TMEM236: variants seen among roughly 807,000 people sequenced by gnomAD.
TMEM236 encodes family with sequence similarity 23, member A.
Under a neutral mutation model 14.7 loss-of-function variants are expected in TMEM236, and 11 were observed. That is an observed-to-expected ratio of 0.75 (90% CI 0.47 to 1.24). The LOEUF (loss-of-function observed/expected upper bound fraction) is 1.24, where lower values mean the gene tolerates loss of function less well. Among genes scored for constraint, TMEM236 ranks in the 50% most tolerant of loss-of-function variants. TMEM236 has a pLI of 0.00. For synonymous variants in TMEM236, 182 were observed against 168.6 expected (o/e 1.08, Z -0.62); for missense variants, 464 against 427.3 (o/e 1.09, Z -0.76).
At position 17,752,367 on chromosome 10, in the gene TMEM236, A is replaced by G; in HGVS notation, c.72A>G (p.Thr24=). The G allele has an allele frequency of 1.2e-6, 2 of 1,613,402 alleles. No individual in the cohort carries two copies. Among genetic ancestry groups the G allele is most frequent in the East Asian group, 2.2e-5 (1 of 44,838 alleles). ...LLEFAAFSIP[T]LVITEQFATA... is the part of the protein sequence containing the mutation. ...AGTTTGCCGCTTTCTCCATCCCCAC[A>G]CTCGTGATCACAGAACAGTTTGCCA... The change falls in exon 1 of 4, where the codon ACA becomes ACG. Residue 24 remains threonine (T), a synonymous_variant. Coordinates refer to ENST00000377495, the MANE Select transcript of TMEM236 (RefSeq NM_001098844.3).
intron 3 of TMEM236, among the ~76,000 whole-genome samples, chr10:17,780,753 A>G (rs908798535): frequency 5.9e-5 from 9 of 152,180 alleles, no homozygotes; most frequent in Non-Finnish European, 1.2e-4. Context: ...ATGGACACAC[A>G]CAAGGAGTGA....
chr10:17,753,900 C>A (rs1429864397), intron 1 of TMEM236, among the ~76,000 whole-genome samples: 2 of 152,192 alleles, frequency 1.3e-5, no homozygotes, highest in African/African-American at 4.8e-5. Context: ...TATGTTCTAA[C>A]ATACTGTGGG....
At chr10:17,787,546 C>T (rs1837858631) in intron 3 of TMEM236, among the ~76,000 whole-genome samples, 2 of 152,202 alleles carry the variant, frequency 1.3e-5, no homozygotes, top group Admixed American at 1.3e-4. Flanking sequence ...GCTTCCTTGC[C>T]TTAGTGCAGG....
intron 1 of TMEM236, among the ~76,000 whole-genome samples, chr10:17,762,584 T>TATATATATATATATATATATATATATAC (rs1837384503): frequency 9.8e-5 from 6 of 61,176 alleles, no homozygotes; most frequent in African/African-American, 6.5e-4. Flanking sequence ...CATATATATA[T>TATATATATATATATATATATATATATAC]ATATATATAT....
intron 3 of TMEM236, among the ~76,000 whole-genome samples, chr10:17,780,172 G>A (rs1328730239): frequency 1.3e-5 from 2 of 152,106 alleles, no homozygotes; most frequent in Admixed American, 6.5e-5. Flanking sequence ...TATAGAACTC[G>A]TGGCTGAATG....
rs955126717 is a variant in TMEM236, at chr10:17,753,116, G to A, written c.257+564G>A. Among the ~76,000 whole-genome samples the A allele has an allele frequency of 8.7e-3, 1,315 of 151,882 alleles. 22 individuals carry two copies. Among genetic ancestry groups the A allele is most frequent in the African/African-American group, 0.029 (1,202 of 41,408 alleles). The stretch of plus-strand genomic sequence containing the variant: ...TTCATGTTAGCCAGGCTGGTCCCGA[G>A]CTCCTGACCTCAAATGATCCACCCA... On this transcript the variant is annotated intron_variant, in intron 1 of 3. Coordinates refer to ENST00000377495, the MANE Select transcript of TMEM236 (RefSeq NM_001098844.3).
intron 1 of TMEM236, among the ~76,000 whole-genome samples, chr10:17,770,415 G>A (rs1231151358): frequency 2.6e-5 from 4 of 151,548 alleles, no homozygotes; most frequent in South Asian, 2.1e-4. Context: ...ACAGAGTCTC[G>A]CTCTGTCGCC....
intron 1 of TMEM236, among the ~76,000 whole-genome samples, chr10:17,760,692 G>C (rs913086396): frequency 6.6e-6 from 1 of 152,098 alleles, no homozygotes; most frequent in South Asian, 2.1e-4. Context: ...ACCTGAGACT[G>C]GGTAATTTAT....
Position 17,800,759 on chromosome 10 carries a change from C to T in TMEM236, c.*4255C>T, listed in dbSNP as rs1589157016. 6.6e-6 allele frequency: 1 copy of T among 152,106 alleles called. No homozygotes were observed. The highest frequency in any genetic ancestry group is 1.5e-5 in the Non-Finnish European group (1 of 68,022). The allele number at this position is 152,106 out of a possible 1,614,324, so 9.4% of individuals were successfully genotyped here. On this transcript the variant is annotated 3_prime_UTR_variant, in exon 4 of 4. Transcript: ENST00000377495. The stretch of plus-strand genomic sequence containing the variant: ...AAACTTAAAAATGGCTACTTATACT[C>T]CATAGAAGATATAGTAAATAATAGA...
intron 1 of TMEM236, among the ~76,000 whole-genome samples, chr10:17,755,426 GTGC>G (rs1837271719): frequency 1.3e-5 from 2 of 152,166 alleles, no homozygotes; most frequent in South Asian, 4.1e-4. Flanking sequence ...GAAGTTCATG[GTGC>G]TGTCTTTAGG....
chr10:17,786,158 G>C (rs1837834251), intron 3 of TMEM236, among the ~76,000 whole-genome samples: 1 of 152,108 alleles, frequency 6.6e-6, no homozygotes, highest in East Asian at 1.9e-4. Context: ...GAATACTTTG[G>C]AAACAAATAT....
At chr10:17,780,095 C>T (rs1466886522) in intron 3 of TMEM236, among the ~76,000 whole-genome samples, 1 of 152,132 alleles carries the variant, frequency 6.6e-6, no homozygotes, top group African/African-American at 2.4e-5. Context: ...AACAAATTGG[C>T]TGGGCTTCAG....
chr10:17,787,130 C>A (rs1344121054), intron 3 of TMEM236, among the ~76,000 whole-genome samples: 1 of 152,154 alleles, frequency 6.6e-6, no homozygotes, highest in African/African-American at 2.4e-5. Flanking sequence ...CCCTTTCTTC[C>A]CCCTGCCTGG....
rs1057058072 is a variant in TMEM236, at chr10:17,784,578, T to C, written c.472+8408T>C. 3.3e-5 allele frequency among the ~76,000 whole-genome samples: 5 copies of C among 152,278 alleles called. 1 individual carries two copies. In the Middle Eastern group the frequency reaches 0.01, roughly 311 times the overall value. On this transcript the variant is annotated intron_variant, in intron 3 of 3. Coordinates refer to ENST00000377495, the MANE Select transcript of TMEM236 (RefSeq NM_001098844.3). ...AAAATCAACTATGGAAATTTAAAAGTTTTGATGCCTAGGATGCTGCCTGGT... is the reference window on the plus strand; with the variant it reads ...AAAATCAACTATGGAAATTTAAAAGCTTTGATGCCTAGGATGCTGCCTGGT...
intron 2 of TMEM236, among the ~76,000 whole-genome samples, chr10:17,774,637 C>T (rs1233466679): frequency 6.6e-6 from 1 of 152,094 alleles, no homozygotes; most frequent in Non-Finnish European, 1.5e-5. Context: ...GTAAATCTTC[C>T]TAGCTTATTC....
chr10:17,794,320 T>C (rs1837973379), intron 3 of TMEM236, among the ~76,000 whole-genome samples: 1 of 152,204 alleles, frequency 6.6e-6, no homozygotes, highest in African/African-American at 2.4e-5. Context: ...TATCACGTCA[T>C]ATGGCAGCTC....
chr10:17,752,607 C>T, intron 1 of TMEM236, 55 bp downstream of exon 1: 2 of 1,576,286 alleles, frequency 1.3e-6, no homozygotes, highest in South Asian at 1.1e-5. Flanking sequence ...CGCTCTGTCA[C>T]CCAGGCTGGA....
At chr10:17,757,470 G>A (rs1042607507) in intron 1 of TMEM236, among the ~76,000 whole-genome samples, 5 of 151,920 alleles carry the variant, frequency 3.3e-5, no homozygotes, top group African/African-American at 4.8e-5. Flanking sequence ...ATGGTGGTAC[G>A]TGACTGTAGT....
chr10:17,757,374 G>T (rs1837298603), intron 1 of TMEM236, among the ~76,000 whole-genome samples: 1 of 152,146 alleles, frequency 6.6e-6, no homozygotes, highest in Non-Finnish European at 1.5e-5. Flanking sequence ...TAGGTGTGAG[G>T]ATCGCTTGAG....
Sources: allele counts gnomAD v4.1 joint callset (sites outside exome capture counted in the v4.1 genomes callset), GRCh38; gene constraint gnomAD v4.1.1; transcripts MANE v1.5; gene names NCBI Gene and HGNC (gene_info 2026-07-23, HGNC 2026-07-21).